Variants in CFAP263 observed in about 807,000 individuals in gnomAD.
CFAP263 encodes the protein cilia and flagella associated protein 263.
the CFAP263 span, chr16:58,278,366 G>T: frequency 1.4e-5 from 13 of 906,568 alleles, no homozygotes; most frequent in East Asian, 1.8e-4. Context: ...CTTTGAAAAT[G>T]TAAACATTAT....
At chr16:58,254,210 C>T in the CFAP263 span, 12 of 1,579,060 alleles carry the variant, frequency 7.6e-6, no homozygotes, top group Non-Finnish European at 8.7e-6. Flanking sequence ...CCCACCTCTA[C>T]CCCACTGAGA....
At chr16:58,280,752 G>A in the CFAP263 span, 1 of 1,600,186 alleles carries the variant, frequency 6.2e-7, no homozygotes, top group East Asian at 2.2e-5. Flanking sequence ...GGCTTCCTGG[G>A]TCCCCCTGTG....
chr16:58,259,707 T>C, the CFAP263 span: 1 of 532,116 alleles, frequency 1.9e-6, no homozygotes, highest in African/African-American at 2.0e-5. Flanking sequence ...AGCCCCAGCT[T>C]GAGTAGAAGT....
the CFAP263 span, chr16:58,282,727 T>C: frequency 4.6e-5 from 7 of 152,286 alleles, no homozygotes; most frequent in African/African-American, 1.7e-4. Context: ...CCTCACTATG[T>C]CTGCCTAGGT....
chr16:58,266,238 C>T, the CFAP263 span, among the ~76,000 whole-genome samples: 1 of 151,652 alleles, frequency 6.6e-6, no homozygotes, highest in Non-Finnish European at 1.5e-5. Context: ...TTCACTTTGA[C>T]TGTGGCCCTG....
the CFAP263 span, among the ~76,000 whole-genome samples, chr16:58,270,423 A>G: frequency 6.6e-6 from 1 of 152,072 alleles, no homozygotes; most frequent in East Asian, 1.9e-4. Flanking sequence ...TTATATCGGT[A>G]CTCGAAGTAT....
chr16:58,273,718 T>G, the CFAP263 span, among the ~76,000 whole-genome samples: 2 of 152,206 alleles, frequency 1.3e-5, no homozygotes, highest in Non-Finnish European at 2.9e-5. Context: ...GGATCATGGT[T>G]TCTTATTTCT....
the CFAP263 span, among the ~76,000 whole-genome samples, chr16:58,266,401 ATATATTTTTTTT>A: frequency 5.1e-3 from 213 of 41,706 alleles, no homozygotes; most frequent in South Asian, 0.011. Context: ...ATATATATAT[ATATATTTTTTTT>A]TTTTTTTTTT....
chr16:58,252,950 T>C, the CFAP263 span: 6 of 1,223,224 alleles, frequency 4.9e-6, no homozygotes, highest in East Asian at 9.5e-5. Flanking sequence ...CTGTGGCCAA[T>C]TGACCATGGG....
At chr16:58,279,857 A>T in the CFAP263 span, 1 of 1,135,646 alleles carries the variant, frequency 8.8e-7, no homozygotes. Flanking sequence ...GGCTCCTCTC[A>T]CTGTTCCCTG....
At chr16:58,267,043 T>C in the CFAP263 span, among the ~76,000 whole-genome samples, 2 of 152,182 alleles carry the variant, frequency 1.3e-5, no homozygotes, top group African/African-American at 4.8e-5. Context: ...ATGAGGAGTA[T>C]TCCCCACGCT....
the CFAP263 span, among the ~76,000 whole-genome samples, chr16:58,261,209 C>A: frequency 5.9e-5 from 9 of 152,150 alleles, no homozygotes. Flanking sequence ...CAGCCACTGT[C>A]TCCAAGTGCT....
At chr16:58,268,062 A>AAT in the CFAP263 span, among the ~76,000 whole-genome samples, 5 of 150,830 alleles carry the variant, frequency 3.3e-5, no homozygotes, top group Admixed American at 6.6e-5. Flanking sequence ...AGAGAGAGAG[A>AAT]GGTCATAACC....
the CFAP263 span, among the ~76,000 whole-genome samples, chr16:58,255,807 C>T: frequency 6.6e-6 from 1 of 152,186 alleles, no homozygotes; most frequent in African/African-American, 2.4e-5. Flanking sequence ...TTGTGATCCA[C>T]TCGCCTCAGC....
At chr16:58,254,303 A>T in the CFAP263 span, 9 of 823,378 alleles carry the variant, frequency 1.1e-5, no homozygotes, top group Middle Eastern at 3.6e-4. Context: ...CCTATCTTCA[A>T]GGAACTTACC....
chr16:58,279,657 ATTTT>A, the CFAP263 span: 1 of 1,499,256 alleles, frequency 6.7e-7, no homozygotes, highest in Non-Finnish European at 8.9e-7. Flanking sequence ...CTCCTTTATC[ATTTT>A]TTTTCTTTTT....
chr16:58,267,352 A>G, the CFAP263 span: 2 of 689,410 alleles, frequency 2.9e-6, no homozygotes, highest in Non-Finnish European at 2.5e-6. Flanking sequence ...CTGGGCAACC[A>G]TGAGAAAGGC....
chr16:58,266,405 A>ATATT, the CFAP263 span, among the ~76,000 whole-genome samples: 5 of 31,430 alleles, frequency 1.6e-4, no homozygotes, highest in Non-Finnish European at 2.8e-4. Flanking sequence ...ATATATATAT[A>ATATT]TTTTTTTTTT....
At chr16:58,266,633 G>A in the CFAP263 span, among the ~76,000 whole-genome samples, 1 of 151,580 alleles carries the variant, frequency 6.6e-6, no homozygotes, top group Non-Finnish European at 1.5e-5. Flanking sequence ...GGGTTTTCAG[G>A]GTTTGTTGAG....
Sources: allele counts gnomAD v4.1 joint callset (sites outside exome capture counted in the v4.1 genomes callset), GRCh38; gene constraint gnomAD v4.1.1; transcripts MANE v1.5; gene names NCBI Gene and HGNC (gene_info 2026-07-23, HGNC 2026-07-21).